PDE4B: variants seen among roughly 807,000 people sequenced by gnomAD.
PDE4B encodes phosphodiesterase 4B.
PDE4B carries 20 observed loss-of-function variants against 82.2 expected under a neutral mutation model. The observed-to-expected ratio is 0.24, with a 90% CI of 0.17 to 0.35. The LOEUF (loss-of-function observed/expected upper bound fraction) is 0.35, where lower values mean the gene tolerates loss of function less well. Among genes scored for constraint, PDE4B ranks in the 10% least tolerant of loss-of-function variants. The pLI, the probability that PDE4B is intolerant of heterozygous loss-of-function variation, is 1.00. For synonymous variants in PDE4B, 320 were observed against 318.9 expected, an observed-to-expected ratio of 1.00 and a Z score of -0.04; for missense variants, 655 against 907.2, an observed-to-expected ratio of 0.72 and a Z score of 3.57.
At chr1:65,929,999 T>C (rs912711348) in intron 3 of PDE4B, among the ~76,000 whole-genome samples, 2 of 152,148 alleles carry the variant, frequency 1.3e-5, no homozygotes, top group African/African-American at 4.8e-5. Context: ...TTGCCAGAGT[T>C]CTCTAGAGGG....
chr1:65,873,730 C>T (rs566102686), intron 1 of PDE4B, among the ~76,000 whole-genome samples: 1 of 152,268 alleles, frequency 6.6e-6, no homozygotes, highest in Non-Finnish European at 1.5e-5. Context: ...CTAAGACCAA[C>T]ATTTTATGAA....
intron 3 of PDE4B, among the ~76,000 whole-genome samples, chr1:66,225,968 T>C (rs530872072): frequency 8.5e-4 from 129 of 152,356 alleles, no homozygotes; most frequent in Admixed American, 1.7e-3. Context: ...GGCAAACACT[T>C]GCTTATGTGC....
intron 3 of PDE4B, among the ~76,000 whole-genome samples, chr1:66,205,704 G>A (rs988954484): frequency 6.6e-6 from 1 of 152,220 alleles, no homozygotes; most frequent in Admixed American, 6.5e-5. Flanking sequence ...CAACAATGTT[G>A]TGAAAGATGG....
At chr1:66,308,410 T>A (rs1658434752) in intron 7 of PDE4B, among the ~76,000 whole-genome samples, 1 of 152,174 alleles carries the variant, frequency 6.6e-6, no homozygotes, top group African/African-American at 2.4e-5. Flanking sequence ...CAGTGATTTT[T>A]AATAAAATGA....
chr1:65,814,104 G>A (rs1366179247), intron 1 of PDE4B, among the ~76,000 whole-genome samples: 1 of 152,098 alleles, frequency 6.6e-6, no homozygotes, highest in African/African-American at 2.4e-5. Flanking sequence ...GGGCACTCTG[G>A]GCACTTGACA....
intron 1 of PDE4B, among the ~76,000 whole-genome samples, chr1:65,879,489 A>G (rs1399050583): frequency 6.6e-6 from 1 of 152,194 alleles, no homozygotes; most frequent in Non-Finnish European, 1.5e-5. Context: ...TAAGGTAAAT[A>G]TGTATAAAAT....
At chr1:66,143,687 A>G (rs1347172671) in intron 3 of PDE4B, among the ~76,000 whole-genome samples, 2 of 152,244 alleles carry the variant, frequency 1.3e-5, no homozygotes, top group South Asian at 2.1e-4. Flanking sequence ...AGGGATGGCT[A>G]TGTAACATAG....
rs532584030 is a variant in PDE4B, at chr1:65,794,267, CT to C, written c.-71+1020del. On this transcript the variant is annotated intron_variant, in intron 1 of 16. Transcript: ENST00000341517. ...ATCGTTTAATTTCAAAGATTTCCAG[CT>C]GCTGGAAAACTCTTGGCTAAGTTAT... 3.3e-5 allele frequency among the ~76,000 whole-genome samples: 5 copies of C among 152,198 alleles called. No individual in the cohort carries two copies. The South Asian group carries it at 1.0e-3, about 32-fold the overall frequency.
chr1:66,199,297 G>T (rs945770342), intron 3 of PDE4B, among the ~76,000 whole-genome samples: 2 of 151,818 alleles, frequency 1.3e-5, no homozygotes, highest in East Asian at 3.9e-4. Context: ...TTTAATGATC[G>T]CCATTCTAAC....
At chr1:65,901,758 T>G (rs963192709) in intron 1 of PDE4B, among the ~76,000 whole-genome samples, 1 of 152,066 alleles carries the variant, frequency 6.6e-6, no homozygotes, top group African/African-American at 2.4e-5. Context: ...CAATTTTTGG[T>G]TTCTTTGGAT....
At chr1:66,192,213 T>C (rs897288172) in intron 3 of PDE4B, among the ~76,000 whole-genome samples, 4 of 152,188 alleles carry the variant, frequency 2.6e-5, no homozygotes, top group African/African-American at 9.7e-5. Flanking sequence ...TTTGTATCAA[T>C]TGAAGACTCT....
intron 3 of PDE4B, among the ~76,000 whole-genome samples, chr1:66,228,517 A>T (rs1420200894): frequency 6.6e-6 from 1 of 151,930 alleles, no homozygotes; most frequent in East Asian, 1.9e-4. Context: ...CCAGCTATTC[A>T]GGAGGCTGAG....
intron 4 of PDE4B, among the ~76,000 whole-genome samples, chr1:66,255,011 TTTTTC>T (rs1654083569): frequency 6.7e-6 from 1 of 150,368 alleles, no homozygotes; most frequent in Non-Finnish European, 1.5e-5. Context: ...CTCCTCTCTC[TTTTTC>T]TTTTCTTTTC....
intron 7 of PDE4B, among the ~76,000 whole-genome samples, chr1:66,325,706 T>G (rs1019848624): frequency 6.6e-6 from 1 of 152,284 alleles, no homozygotes. Flanking sequence ...TACAAATGCT[T>G]CCTTTCCCAG....
At chr1:65,886,189 A>G (rs1646774237) in intron 1 of PDE4B, among the ~76,000 whole-genome samples, 2 of 152,000 alleles carry the variant, frequency 1.3e-5, no homozygotes, top group African/African-American at 2.4e-5. Flanking sequence ...AAAAAAAAAG[A>G]AAATGCTTTG....
intron 4 of PDE4B, among the ~76,000 whole-genome samples, chr1:66,253,979 T>C (rs1016911954): frequency 6.6e-6 from 1 of 152,238 alleles, no homozygotes; most frequent in African/African-American, 2.4e-5. Context: ...CTTTAATCTT[T>C]GGATTGTACA....
In PDE4B at chr1:66,123,550, CTCCT is replaced by C. The variant is rs1249749028; in HGVS notation, c.282-123906_282-123903del. Among the ~76,000 whole-genome samples the C allele has an allele frequency of 3.7e-3, 564 of 151,558 alleles. 6 individuals are homozygous for C. The highest frequency in any genetic ancestry group is 0.013 in the African/African-American group (537 of 41,280). On this transcript the variant is annotated intron_variant, in intron 3 of 16. Coordinates refer to ENST00000341517, the MANE Select transcript of PDE4B (RefSeq NM_002600.4). The stretch of plus-strand genomic sequence containing the variant: ...CCTCCTTTTCTCCCTCTCTCCCTCC[CTCCT>C]TCCCTCCCTCTCTTATTCTTTTATT...
intron 1 of PDE4B, among the ~76,000 whole-genome samples, chr1:65,894,164 A>AG (rs1301224578): frequency 6.6e-6 from 1 of 152,160 alleles, no homozygotes; most frequent in Non-Finnish European, 1.5e-5. Context: ...AAAGAAAAAA[A>AG]CAGAGTTAGA....
intron 1 of PDE4B, among the ~76,000 whole-genome samples, chr1:65,910,746 C>T (rs1647080779): frequency 6.6e-6 from 1 of 152,124 alleles, no homozygotes; most frequent in Admixed American, 6.6e-5. Context: ...AGAGAGGGTC[C>T]CCTCTTTCCT....
Sources: allele counts gnomAD v4.1 joint callset (sites outside exome capture counted in the v4.1 genomes callset), GRCh38; gene constraint gnomAD v4.1.1; transcripts MANE v1.5; gene names NCBI Gene and HGNC (gene_info 2026-07-23, HGNC 2026-07-21).